Variants in PARD3 observed in about 807,000 individuals in gnomAD.
PARD3 encodes the protein par-3 family cell polarity regulator, also known as partitioning defective 3 homolog.
In PARD3, 75 loss-of-function variants were observed where a neutral mutation model predicts 155.4. That is an observed-to-expected ratio of 0.48 (90% CI 0.40 to 0.58). The LOEUF (loss-of-function observed/expected upper bound fraction) is 0.58. Ranked by LOEUF, PARD3 falls within the 20% of genes least tolerant of loss-of-function variation. The probability of loss-of-function intolerance (pLI) is 0.00; values close to 1 mark genes in which losing one functional copy is unlikely to be tolerated. For synonymous variants in PARD3, 576 were observed against 610.5 expected, an observed-to-expected ratio of 0.94 and a Z score of 0.83; for missense variants, 1,642 against 1,721.7, an observed-to-expected ratio of 0.95 and a Z score of 0.82.
At chr10:34,663,457 T>C (rs1278915276) in intron 2 of PARD3, among the ~76,000 whole-genome samples, 3 of 152,166 alleles carry the variant, frequency 2.0e-5, no homozygotes, top group African/African-American at 7.2e-5. Flanking sequence ...CAGAGCTTTG[T>C]AACACGAAGG....
At chr10:34,477,886 G>A (rs920819184) in intron 3 of PARD3, among the ~76,000 whole-genome samples, 1 of 152,128 alleles carries the variant, frequency 6.6e-6, no homozygotes, top group Non-Finnish European at 1.5e-5. Flanking sequence ...CCCATCTTCA[G>A]GGCAATCATA....
chr10:34,699,894 TATG>T (rs2094242369), intron 1 of PARD3, among the ~76,000 whole-genome samples: 1 of 152,140 alleles, frequency 6.6e-6, no homozygotes, highest in Non-Finnish European at 1.5e-5. Context: ...AGATAAAAGT[TATG>T]ATAAGCCACT....
chr10:34,450,275 A>G, intron 5 of PARD3, 42 bp downstream of exon 5: 3 of 1,585,384 alleles, frequency 1.9e-6, no homozygotes, highest in Non-Finnish European at 2.6e-6. Flanking sequence ...ATGGGACAGG[A>G]TGTTACAGCA....
intron 5 of PARD3, among the ~76,000 whole-genome samples, chr10:34,435,997 C>T (rs2076168655): frequency 6.6e-6 from 1 of 152,124 alleles, no homozygotes; most frequent in Admixed American, 6.5e-5. Flanking sequence ...CAACAACTAT[C>T]AAATAGGAGA....
chr10:34,750,968 C>A (rs1482822411), intron 1 of PARD3, among the ~76,000 whole-genome samples: 2 of 152,214 alleles, frequency 1.3e-5, no homozygotes, highest in South Asian at 4.1e-4. Flanking sequence ...TGATTACAGG[C>A]GTGAGCCACC....
At chr10:34,252,542 T>C (rs958129852) in intron 22 of PARD3, among the ~76,000 whole-genome samples, 3 of 152,192 alleles carry the variant, frequency 2.0e-5, no homozygotes, top group South Asian at 2.1e-4. Context: ...CACACACCTG[T>C]CTCTACAGTG....
intron 22 of PARD3, among the ~76,000 whole-genome samples, chr10:34,143,193 GC>G: frequency 1.3e-5 from 2 of 152,186 alleles, no homozygotes; most frequent in East Asian, 3.9e-4. Context: ...GGTGGTGCAT[GC>G]CTGTAGTTCC....
chr10:34,802,743 T>C (rs773028248), intron 1 of PARD3, among the ~76,000 whole-genome samples: 9 of 152,096 alleles, frequency 5.9e-5, no homozygotes, highest in Non-Finnish European at 1.3e-4. Context: ...TGTGGTGAAG[T>C]TCTAATGAGG....
chr10:34,247,443 A>G (rs1361016009), intron 22 of PARD3, among the ~76,000 whole-genome samples: 1 of 152,216 alleles, frequency 6.6e-6, no homozygotes, highest in African/African-American at 2.4e-5. Flanking sequence ...CGGAGGTTGC[A>G]ATGAGCCAAG....
chr10:34,451,045 C>T (rs2077027174), intron 4 of PARD3, among the ~76,000 whole-genome samples: 1 of 152,124 alleles, frequency 6.6e-6, no homozygotes, highest in Non-Finnish European at 1.5e-5. Context: ...TTATTTGTTA[C>T]ATAACAGATA....
At chr10:34,673,336 T>C (rs2093642072) in intron 2 of PARD3, among the ~76,000 whole-genome samples, 1 of 152,322 alleles carries the variant, frequency 6.6e-6, no homozygotes, top group Admixed American at 6.5e-5. Flanking sequence ...TTTAAACTAA[T>C]ATCTTGAGTA....
At chr10:34,258,160 T>A (rs1300661885) in intron 22 of PARD3, among the ~76,000 whole-genome samples, 1 of 152,196 alleles carries the variant, frequency 6.6e-6, no homozygotes, top group African/African-American at 2.4e-5. Flanking sequence ...AGACTGCATC[T>A]TGGAGACAAT....
chr10:34,448,165 A>G (rs867315089), intron 5 of PARD3, among the ~76,000 whole-genome samples: 7 of 118,280 alleles, frequency 5.9e-5, no homozygotes, highest in African/African-American at 2.7e-4. Flanking sequence ...GTGTGTGTGT[A>G]CACATAAATG....
intron 1 of PARD3, among the ~76,000 whole-genome samples, chr10:34,806,875 G>A (rs1483200659): frequency 2.6e-5 from 4 of 152,218 alleles, no homozygotes; most frequent in South Asian, 2.1e-4. Context: ...GGAACTGGCA[G>A]TGGGAGTCCA....
chr10:34,780,359 G>A (rs1409382887), intron 1 of PARD3, among the ~76,000 whole-genome samples: 2 of 152,082 alleles, frequency 1.3e-5, no homozygotes, highest in African/African-American at 2.4e-5. Flanking sequence ...CTCAAAACAC[G>A]TTTGTAATGA....
In PARD3 at chr10:34,788,237, T is replaced by C. The variant is rs1367056511; in HGVS notation, c.120+26639A>G. ...GAAAGAAAAAAATTAATATTACACA[T>C]TGCTTTCCAAACTATTTTCTACAGA... On this transcript the variant is annotated intron_variant, in intron 1 of 24. Transcript: ENST00000374788. 3.3e-5 allele frequency among the ~76,000 whole-genome samples: 5 copies of C among 152,226 alleles called. 1 individual carries two copies. Among genetic ancestry groups the C allele is most frequent in the African/African-American group, 1.2e-4 (5 of 41,540 alleles).
At chr10:34,636,449 C>T (rs891960245) in intron 2 of PARD3, among the ~76,000 whole-genome samples, 6 of 152,228 alleles carry the variant, frequency 3.9e-5, no homozygotes, top group African/African-American at 1.4e-4. Flanking sequence ...CCAGTCCCTC[C>T]ACCCCACCAC....
At position 34,269,914 on chromosome 10, in the gene PARD3, C is replaced by A; in HGVS notation, c.3177-15G>T. Reference sequence around the variant, plus strand: ...TGGCTTGAATCCTATGAAATCAGAACAAAGTTGAAATAAGAGAAACCTTTC... The same window carrying A: ...TGGCTTGAATCCTATGAAATCAGAAAAAAGTTGAAATAAGAGAAACCTTTC... On this transcript the variant is annotated splice_polypyrimidine_tract_variant and intron_variant, in intron 21 of 24. Transcript: ENST00000374788. 1.9e-6 allele frequency: 3 copies of A among 1,610,990 alleles called. No individual in the cohort carries two copies. The highest frequency in any genetic ancestry group is 2.5e-6 in the Non-Finnish European group (3 of 1,178,306).
chr10:34,476,096 C>G (rs1258494166), intron 3 of PARD3, among the ~76,000 whole-genome samples: 1 of 151,790 alleles, frequency 6.6e-6, no homozygotes, highest in Non-Finnish European at 1.5e-5. Flanking sequence ...CAAGGCCAAG[C>G]TGGGCAACAC....
Sources: gnomAD v4.1 joint callset for allele counts (sites outside exome capture counted in the v4.1 genomes callset) on GRCh38, gnomAD v4.1.1 for gene constraint, MANE v1.5 for transcripts, NCBI Gene and HGNC (gene_info 2026-07-23, HGNC 2026-07-21) for gene names.